Variants in PLCB1 observed in about 807,000 individuals in gnomAD.
The protein encoded by PLCB1 is phospholipase C beta 1.
In PLCB1, 46 loss-of-function variants were observed where a neutral mutation model predicts 161.8. The ratio of observed to expected loss-of-function variants is 0.28; its 90% confidence interval spans 0.22 to 0.36. The LOEUF is 0.36. Ranked by LOEUF, PLCB1 falls within the 10% of genes least tolerant of loss-of-function variation. The pLI is 1.00. For missense variants in PLCB1, 1,016 were observed against 1,472.5 expected (o/e 0.69, Z 5.07); for synonymous variants, 517 against 503.7 (o/e 1.03, Z -0.35).
intron 3 of PLCB1, among the ~76,000 whole-genome samples, chr20:8,509,497 TC>T (rs1396571024): frequency 6.6e-6 from 1 of 152,208 alleles, no homozygotes; most frequent in Non-Finnish European, 1.5e-5. Flanking sequence ...AGGTTTTTCA[TC>T]AAACTGTATT....
At chr20:8,627,678 A>G (rs1331479162) in intron 3 of PLCB1, among the ~76,000 whole-genome samples, 2 of 152,224 alleles carry the variant, frequency 1.3e-5, no homozygotes, top group Non-Finnish European at 2.9e-5. Flanking sequence ...TCCATTTATG[A>G]TGACCCAAAG....
intron 3 of PLCB1, among the ~76,000 whole-genome samples, chr20:8,603,165 T>C (rs1304954689): frequency 6.6e-6 from 1 of 152,250 alleles, no homozygotes; most frequent in Non-Finnish European, 1.5e-5. Context: ...GCATACTTGT[T>C]ATTTAAAGAA....
At chr20:8,453,230 A>G (rs1213939394) in intron 3 of PLCB1, among the ~76,000 whole-genome samples, 1 of 152,226 alleles carries the variant, frequency 6.6e-6, no homozygotes, top group Admixed American at 6.5e-5. Flanking sequence ...TCATATCACC[A>G]AAGTGTCCCA....
At chr20:8,282,573 T>A (rs1047293720) in intron 2 of PLCB1, among the ~76,000 whole-genome samples, 1 of 152,182 alleles carries the variant, frequency 6.6e-6, no homozygotes, top group African/African-American at 2.4e-5. Context: ...TTATGTTATA[T>A]CCGGCAAAGA....
chr20:8,199,035 TC>T (rs1227784612), intron 2 of PLCB1, among the ~76,000 whole-genome samples: 1 of 151,966 alleles, frequency 6.6e-6, no homozygotes, highest in Non-Finnish European at 1.5e-5. Flanking sequence ...AAATTTTTTT[TC>T]TATGTGGCTA....
At chr20:8,326,729 C>T (rs980968760) in intron 2 of PLCB1, among the ~76,000 whole-genome samples, 1 of 152,202 alleles carries the variant, frequency 6.6e-6, no homozygotes, top group Non-Finnish European at 1.5e-5. Flanking sequence ...TGCATCCTCA[C>T]TTTAATTTTA....
At chr20:8,439,519 G>A (rs1980459742) in intron 3 of PLCB1, among the ~76,000 whole-genome samples, 1 of 152,196 alleles carries the variant, frequency 6.6e-6, no homozygotes, top group African/African-American at 2.4e-5. Flanking sequence ...AAATTTTCTT[G>A]AGGAATTACA....
At chr20:8,681,421 C>A (rs1039714409) in intron 9 of PLCB1, among the ~76,000 whole-genome samples, 6 of 152,122 alleles carry the variant, frequency 3.9e-5, no homozygotes. Flanking sequence ...TTTGTCATTT[C>A]TGCCCTATTG....
chr20:8,402,916 C>T (rs1475598270), intron 3 of PLCB1, among the ~76,000 whole-genome samples: 2 of 152,018 alleles, frequency 1.3e-5, no homozygotes, highest in Non-Finnish European at 2.9e-5. Context: ...CTCTCTGTAA[C>T]AATTACAGTG....
chr20:8,402,246 CT>C (rs1042794415), intron 3 of PLCB1, among the ~76,000 whole-genome samples: 13 of 152,040 alleles, frequency 8.6e-5, no homozygotes, highest in African/African-American at 2.7e-4. Flanking sequence ...ATTGGTATTT[CT>C]TTAAGTGATG....
chr20:8,394,224 AT>A (rs1456945492), intron 3 of PLCB1, among the ~76,000 whole-genome samples: 6 of 152,070 alleles, frequency 3.9e-5, no homozygotes, highest in Middle Eastern at 3.4e-3. Flanking sequence ...TCTAGAGCCT[AT>A]TTTTCTATGG....
intron 6 of PLCB1, among the ~76,000 whole-genome samples, chr20:8,649,161 T>C (rs1385192872): frequency 6.6e-6 from 1 of 152,198 alleles, no homozygotes; most frequent in Non-Finnish European, 1.5e-5. Context: ...CCTAAAATAC[T>C]GATTTTATAC....
intron 3 of PLCB1, among the ~76,000 whole-genome samples, chr20:8,593,964 A>G (rs1987240218): frequency 6.6e-6 from 1 of 152,170 alleles, no homozygotes; most frequent in African/African-American, 2.4e-5. Flanking sequence ...AGCTCACTGC[A>G]GCCTCAACCT....
chr20:8,444,671 TA>T (rs1159244094), intron 3 of PLCB1, among the ~76,000 whole-genome samples: 3 of 152,216 alleles, frequency 2.0e-5, no homozygotes, highest in Non-Finnish European at 2.9e-5. Flanking sequence ...ACCAACAATG[TA>T]AAAGTGTTCC....
rs561972036 is a variant in PLCB1, at chr20:8,142,884, C to T, written c.100-7410C>T. Among the ~76,000 whole-genome samples the T allele has an allele frequency of 1.3e-4, 20 of 152,194 alleles. No individual in the cohort carries two copies. The East Asian group carries it at 1.9e-3, about 15-fold the overall frequency. On this transcript the variant is annotated intron_variant, in intron 1 of 31. Transcript: ENST00000338037. ...TTAATTTCCTCCTTTCTCCACTCCT[C>T]GTTTAATGTACTTGGGCCACCTCCA... is the stretch of plus-strand genomic sequence containing the variant.
intron 31 of PLCB1, among the ~76,000 whole-genome samples, chr20:8,868,139 A>G (rs1987490948): frequency 6.6e-6 from 1 of 152,084 alleles, no homozygotes; most frequent in Admixed American, 6.5e-5. Context: ...TTACAGAAGT[A>G]TTCTGATTAA....
intron 4 of PLCB1, among the ~76,000 whole-genome samples, chr20:8,641,109 T>C (rs540040921): frequency 6.6e-6 from 1 of 152,316 alleles, no homozygotes; most frequent in African/African-American, 2.4e-5. Context: ...GCATAATAAG[T>C]ATGTCTACAT....
intron 1 of PLCB1, among the ~76,000 whole-genome samples, chr20:8,140,369 C>T (rs1176371554): frequency 1.3e-5 from 2 of 152,142 alleles, no homozygotes; most frequent in African/African-American, 2.4e-5. Flanking sequence ...TGGCCTTTTG[C>T]GGTTCTAGGA....
At position 8,299,746 on chromosome 20, in the gene PLCB1, A is replaced by G. The variant is rs575993214; in HGVS notation, c.178-71636A>G. On this transcript the variant is annotated intron_variant, in intron 2 of 31. Coordinates refer to ENST00000338037, the MANE Select transcript of PLCB1 (RefSeq NM_015192.4). The stretch of plus-strand genomic sequence containing the variant: ...TGGATGTCAAGGAGTCTCTCTGGGT[A>G]CCCCTTAGGTTCTCATCTTCTATGC... 1.6e-3 allele frequency among the ~76,000 whole-genome samples: 240 copies of G among 152,278 alleles called. 1 individual carries two copies. Among genetic ancestry groups the G allele is most frequent in the South Asian group, 4.1e-3 (20 of 4,826 alleles).
Sources: allele counts gnomAD v4.1 joint callset (sites outside exome capture counted in the v4.1 genomes callset), GRCh38; gene constraint gnomAD v4.1.1; transcripts MANE v1.5; gene names NCBI Gene and HGNC (gene_info 2026-07-23, HGNC 2026-07-21).